Variants in ANKS1B observed in about 807,000 individuals in gnomAD.
ANKS1B encodes the protein ankyrin repeat and sterile alpha motif domain containing 1B, also known as ankyrin repeat and sterile alpha motif domain-containing protein 1B.
ANKS1B carries 36 observed loss-of-function variants against 148.3 expected under a neutral mutation model. That is an observed-to-expected ratio of 0.24 (90% CI 0.19 to 0.32). The LOEUF is 0.32. ANKS1B is among the 10% of genes least tolerant of loss of function. The pLI, the probability that ANKS1B is intolerant of heterozygous loss-of-function variation, is 1.00. For synonymous variants in ANKS1B, 542 were observed against 560.8 expected (o/e 0.97, Z 0.47); for missense variants, 1,157 against 1,542.6 (o/e 0.75, Z 4.19).
At chr12:99,376,519 G>A (rs1270034704) in intron 12 of ANKS1B, among the ~76,000 whole-genome samples, 1 of 152,166 alleles carries the variant, frequency 6.6e-6, no homozygotes, top group African/African-American at 2.4e-5. Flanking sequence ...CTGAGGAAAG[G>A]AATCCTGATT....
intron 12 of ANKS1B, among the ~76,000 whole-genome samples, chr12:99,251,448 C>T (rs146890223): frequency 1.3e-4 from 20 of 152,180 alleles, no homozygotes; most frequent in East Asian, 1.2e-3. Context: ...TCAGACAAAA[C>T]GGAGGAAAAT....
intron 14 of ANKS1B, among the ~76,000 whole-genome samples, chr12:99,232,423 T>G (rs1298797241): frequency 6.6e-6 from 1 of 152,204 alleles, no homozygotes; most frequent in African/African-American, 2.4e-5. Flanking sequence ...TAAAACTGGT[T>G]TAGAAATAGG....
At chr12:99,642,056 T>C (rs2098313436) in intron 9 of ANKS1B, among the ~76,000 whole-genome samples, 1 of 152,218 alleles carries the variant, frequency 6.6e-6, no homozygotes. Context: ...ACTCAATAAG[T>C]GTTAGATATC....
intron 17 of ANKS1B, among the ~76,000 whole-genome samples, chr12:99,006,711 C>T (rs183247825): frequency 6.6e-6 from 1 of 152,152 alleles, no homozygotes; most frequent in Non-Finnish European, 1.5e-5. Context: ...TGCCTGTAGA[C>T]TGATAACAAT....
chr12:98,797,685 A>G (rs1316082314), intron 22 of ANKS1B, among the ~76,000 whole-genome samples: 1 of 152,214 alleles, frequency 6.6e-6, no homozygotes, highest in African/African-American at 2.4e-5. Context: ...ATTGATCAAA[A>G]TATTAGTGAT....
chr12:99,416,687 A>T (rs963402969), intron 11 of ANKS1B, among the ~76,000 whole-genome samples: 2 of 151,970 alleles, frequency 1.3e-5, no homozygotes, highest in Non-Finnish European at 2.9e-5. Context: ...CCCATTTTCT[A>T]ATTGGATTAT....
intron 11 of ANKS1B, among the ~76,000 whole-genome samples, chr12:99,418,037 G>A (rs1389687192): frequency 6.6e-6 from 1 of 152,148 alleles, no homozygotes; most frequent in Non-Finnish European, 1.5e-5. Context: ...AAAAGCTAAG[G>A]GAGTTCATTA....
intron 15 of ANKS1B, among the ~76,000 whole-genome samples, chr12:99,149,978 G>T (rs1187600442): frequency 1.3e-5 from 2 of 152,136 alleles, no homozygotes; most frequent in Non-Finnish European, 2.9e-5. Context: ...AATAATATAG[G>T]TCTGAGGGAA....
chr12:99,464,723 C>G lies in ANKS1B; in HGVS notation c.1439-20914G>C, dbSNP rs372646110. 6.5e-4 allele frequency among the ~76,000 whole-genome samples: 99 copies of G among 152,080 alleles called. 1 individual carries two copies. The highest frequency in any genetic ancestry group is 1.2e-3 in the Non-Finnish European group (84 of 67,972). The stretch of plus-strand genomic sequence containing the variant: ...GAAGATGAAATGAATGAAATGAAGC[C>G]AGAAGGGAAGTTTAGAGAAAAAAGA... On this transcript the variant is annotated intron_variant, in intron 10 of 26. Coordinates refer to ENST00000683438, the MANE Select transcript of ANKS1B (RefSeq NM_001352186.2).
intron 9 of ANKS1B, among the ~76,000 whole-genome samples, chr12:99,634,376 A>C (rs868043618): frequency 6.6e-6 from 1 of 152,128 alleles, no homozygotes; most frequent in African/African-American, 2.4e-5. Context: ...GAGTTCTCAG[A>C]AGGCTCTCAC....
rs952306505 is a variant in ANKS1B, at chr12:98,790,346, C to A, written c.3343-8209G>T. Among the ~76,000 whole-genome samples, 6 of 152,174 alleles carry A rather than the reference C, an allele frequency of 3.9e-5. No individual in the cohort carries two copies. In the East Asian group the frequency reaches 9.6e-4, roughly 24 times the overall value. On this transcript the variant is annotated intron_variant, in intron 22 of 26. Transcript: ENST00000683438. Reference sequence around the variant, plus strand: ...CCTTGCGGCGTGGTTAGGTACTCAACCTCCCTGTGTCTTAGTTACTTCATC... The same window carrying A: ...CCTTGCGGCGTGGTTAGGTACTCAAACTCCCTGTGTCTTAGTTACTTCATC...
intron 12 of ANKS1B, among the ~76,000 whole-genome samples, chr12:99,373,319 G>C (rs966357354): frequency 4.6e-5 from 7 of 152,126 alleles, no homozygotes; most frequent in Admixed American, 4.6e-4. Flanking sequence ...TAAATTCCCA[G>C]GGTTTCAAGA....
chr12:98,919,249 G>A (rs2152895855), intron 17 of ANKS1B, among the ~76,000 whole-genome samples: 1 of 152,188 alleles, frequency 6.6e-6, no homozygotes, highest in African/African-American at 2.4e-5. Flanking sequence ...GGAAGATTTT[G>A]TACTAAATTA....
At chr12:99,540,385 A>G in intron 9 of ANKS1B, among the ~76,000 whole-genome samples, 1 of 152,194 alleles carries the variant, frequency 6.6e-6, no homozygotes, top group Non-Finnish European at 1.5e-5. Context: ...CACGTGAAAC[A>G]TCCTGCAGAA....
intron 12 of ANKS1B, among the ~76,000 whole-genome samples, chr12:99,317,009 G>A (rs1435238688): frequency 2.0e-5 from 3 of 152,080 alleles, no homozygotes; most frequent in Non-Finnish European, 4.4e-5. Flanking sequence ...TGAGGACTCT[G>A]CTCTGTTCCA....
At chr12:98,923,931 A>G (rs905995097) in intron 17 of ANKS1B, among the ~76,000 whole-genome samples, 10 of 152,214 alleles carry the variant, frequency 6.6e-5, no homozygotes, top group Admixed American at 5.2e-4. Context: ...ACACCAAAGA[A>G]GTGATTTCTT....
At chr12:99,799,995 G>A (rs1202239617) in intron 4 of ANKS1B, among the ~76,000 whole-genome samples, 1 of 152,108 alleles carries the variant, frequency 6.6e-6, no homozygotes, top group Non-Finnish European at 1.5e-5. Flanking sequence ...GACTGAATGG[G>A]ATCACTTCTG....
chr12:99,278,026 A>G (rs1329393670), intron 12 of ANKS1B, among the ~76,000 whole-genome samples: 5 of 152,224 alleles, frequency 3.3e-5, no homozygotes, highest in Non-Finnish European at 5.9e-5. Flanking sequence ...GAGATAAAAG[A>G]TAAAACTCTT....
chr12:99,655,611 A>G (rs906596802), intron 8 of ANKS1B, among the ~76,000 whole-genome samples: 3 of 152,188 alleles, frequency 2.0e-5, no homozygotes, highest in Admixed American at 6.6e-5. Context: ...CTCCTGATAA[A>G]CCAGTTTGTT....
Sources: allele counts gnomAD v4.1 joint callset (sites outside exome capture counted in the v4.1 genomes callset), GRCh38; gene constraint gnomAD v4.1.1; transcripts MANE v1.5; gene names NCBI Gene and HGNC (gene_info 2026-07-23, HGNC 2026-07-21).